SNX29: variants seen among roughly 807,000 people sequenced by gnomAD.
SNX29 encodes the protein sorting nexin-29.
In SNX29, 78 loss-of-function variants were observed where a neutral mutation model predicts 102.1. The observed-to-expected ratio is 0.76, with a 90% CI of 0.64 to 0.92. SNX29 has a LOEUF of 0.92. SNX29 is among the 40% of genes least tolerant of loss of function. The pLI, the probability that SNX29 is intolerant of heterozygous loss-of-function variation, is 0.00. For missense variants in SNX29, 1,280 were observed against 1,061.7 expected (o/e 1.21, Z -2.86); for synonymous variants, 580 against 414.5 (o/e 1.40, Z -4.85).
chr16:12,176,916 C>T (rs1206934577), intron 13 of SNX29, among the ~76,000 whole-genome samples: 1 of 151,854 alleles, frequency 6.6e-6, no homozygotes, highest in East Asian at 1.9e-4. Flanking sequence ...TTTGCAGGTC[C>T]TGGGGTCGGG....
intron 1 of SNX29, among the ~76,000 whole-genome samples, chr16:11,991,400 C>T (rs1349856343): frequency 1.3e-5 from 2 of 152,072 alleles, no homozygotes; most frequent in Non-Finnish European, 2.9e-5. Context: ...GACTTGCCGT[C>T]TCATGAAGGA....
chr16:12,418,512 GTTTTC>G (rs2084736358), intron 18 of SNX29, among the ~76,000 whole-genome samples: 1 of 121,322 alleles, frequency 8.2e-6, no homozygotes, highest in Admixed American at 8.4e-5. Context: ...GTGTTTCTGG[GTTTTC>G]TTTTCTTTTT....
intron 9 of SNX29, among the ~76,000 whole-genome samples, chr16:12,068,158 G>A (rs1489604720): frequency 2.0e-5 from 3 of 152,000 alleles, no homozygotes; most frequent in African/African-American, 7.2e-5. Flanking sequence ...TGGACTTCAT[G>A]CATAATTCCA....
chr16:12,102,644 C>T (rs1349026257), intron 11 of SNX29, among the ~76,000 whole-genome samples: 3 of 152,144 alleles, frequency 2.0e-5, no homozygotes, highest in Admixed American at 2.0e-4. Flanking sequence ...CCTTTGAAAA[C>T]CGGCACAAGA....
chr16:12,441,744 T>G (rs939429479), intron 18 of SNX29, among the ~76,000 whole-genome samples: 1 of 152,210 alleles, frequency 6.6e-6, no homozygotes. Context: ...TCTGAGAGTT[T>G]TATAGTTTCA....
intron 19 of SNX29, among the ~76,000 whole-genome samples, chr16:12,484,836 A>T (rs1379596156): frequency 6.6e-6 from 1 of 152,120 alleles, no homozygotes; most frequent in African/African-American, 2.4e-5. Context: ...TTCCCAGTGT[A>T]TACCATTGAT....
chr16:11,981,309 T>G (rs879580027), intron 1 of SNX29, among the ~76,000 whole-genome samples: 1 of 152,162 alleles, frequency 6.6e-6, no homozygotes, highest in South Asian at 2.1e-4. Context: ...TTTACCATGC[T>G]GGCCAGCTGG....
intron 15 of SNX29, among the ~76,000 whole-genome samples, chr16:12,321,796 A>G (rs2080940360): frequency 6.6e-6 from 1 of 152,160 alleles, no homozygotes; most frequent in African/African-American, 2.4e-5. Context: ...GGACAAACAC[A>G]TGCTACCACC....
chr16:12,506,624 A>T (rs956397727), intron 19 of SNX29, among the ~76,000 whole-genome samples: 1 of 152,226 alleles, frequency 6.6e-6, no homozygotes, highest in African/African-American at 2.4e-5. Flanking sequence ...AGATGAAAGA[A>T]ATCACTGAGC....
At chr16:12,415,542 C>T (rs1194477492) in intron 18 of SNX29, among the ~76,000 whole-genome samples, 1 of 152,232 alleles carries the variant, frequency 6.6e-6, no homozygotes, top group Non-Finnish European at 1.5e-5. Flanking sequence ...TGAAGTTCTC[C>T]TCGCAGGCAG....
At chr16:12,449,583 C>T (rs1209469813) in intron 18 of SNX29, among the ~76,000 whole-genome samples, 5 of 152,178 alleles carry the variant, frequency 3.3e-5, no homozygotes, top group African/African-American at 1.2e-4. Flanking sequence ...ACGGGTTGAT[C>T]AGGGGCTCAA....
chr16:12,142,098 A>G (rs1399133404), intron 13 of SNX29, among the ~76,000 whole-genome samples: 1 of 152,146 alleles, frequency 6.6e-6, no homozygotes, highest in Non-Finnish European at 1.5e-5. Context: ...TTTCAAGACC[A>G]TTTACAAATG....
chr16:12,529,588 G>A (rs1230289398), intron 20 of SNX29, among the ~76,000 whole-genome samples: 1 of 152,202 alleles, frequency 6.6e-6, no homozygotes, highest in African/African-American at 2.4e-5. Flanking sequence ...GAAAGTTAGG[G>A]GGCTGGAAGG....
intron 11 of SNX29, among the ~76,000 whole-genome samples, chr16:12,114,660 C>A (rs954243867): frequency 6.6e-6 from 1 of 151,680 alleles, no homozygotes; most frequent in African/African-American, 2.4e-5. Context: ...GATCTCAGCT[C>A]ACTGCAACCT....
At chr16:12,095,882 T>C (rs1031467346) in intron 11 of SNX29, among the ~76,000 whole-genome samples, 16 of 152,250 alleles carry the variant, frequency 1.1e-4, no homozygotes, top group African/African-American at 2.7e-4. Context: ...TCCTTTTTTT[T>C]CCTCTTGGCT....
intron 15 of SNX29, among the ~76,000 whole-genome samples, chr16:12,349,349 ACT>A (rs1344041334): frequency 2.0e-5 from 3 of 152,144 alleles, no homozygotes; most frequent in Non-Finnish European, 4.4e-5. Context: ...ATTTCCTGTG[ACT>A]CTGTGTCTAG....
chr16:12,550,773 G>C (rs1597938987), intron 20 of SNX29, among the ~76,000 whole-genome samples: 1 of 146,614 alleles, frequency 6.8e-6, no homozygotes, highest in African/African-American at 2.6e-5. Context: ...AAGTGTAGAG[G>C]CTGAATAGCT....
At chr16:12,555,238 G>T (rs1160119997) in intron 20 of SNX29, among the ~76,000 whole-genome samples, 2 of 151,890 alleles carry the variant, frequency 1.3e-5, no homozygotes, top group African/African-American at 4.8e-5. Context: ...AGAAATGGAG[G>T]TGAGAGATGA....
chr16:12,235,044 C>G (rs2142232620), intron 14 of SNX29, among the ~76,000 whole-genome samples: 1 of 152,166 alleles, frequency 6.6e-6, no homozygotes. Context: ...TTGGCTTTGT[C>G]TCTTTCTCTT....
Sources: gnomAD v4.1 joint callset for allele counts (sites outside exome capture counted in the v4.1 genomes callset) on GRCh38, gnomAD v4.1.1 for gene constraint, MANE v1.5 for transcripts, NCBI Gene and HGNC (gene_info 2026-07-23, HGNC 2026-07-21) for gene names.